Variants in SHC3 observed in about 807,000 individuals in gnomAD.
SHC3 encodes SHC-transforming protein 3.
In SHC3, 15 loss-of-function variants were observed where a neutral mutation model predicts 60.4. That is an observed-to-expected ratio of 0.25 (90% CI 0.17 to 0.38). The LOEUF (loss-of-function observed/expected upper bound fraction) is 0.38, where lower values mean the gene tolerates loss of function less well. SHC3 is among the 10% of genes least tolerant of loss of function. The pLI is 1.00. For missense variants in SHC3, 677 were observed against 786.1 expected, an observed-to-expected ratio of 0.86 and a Z score of 1.66; for synonymous variants, 294 against 325.9, an observed-to-expected ratio of 0.90 and a Z score of 1.05.
intron 1 of SHC3, among the ~76,000 whole-genome samples, chr9:89,137,399 G>C (rs940650048): frequency 6.6e-6 from 1 of 152,078 alleles, no homozygotes; most frequent in Non-Finnish European, 1.5e-5. Flanking sequence ...GGCACCTCCA[G>C]TTAACTGCAA....
At chr9:89,097,330 T>C (rs573440388) in intron 2 of SHC3, among the ~76,000 whole-genome samples, 4 of 152,298 alleles carry the variant, frequency 2.6e-5, no homozygotes, top group East Asian at 1.9e-4. Context: ...CTAATCTTTA[T>C]ATAACAAGTC....
At chr9:89,094,987 T>C (rs1427096718) in intron 2 of SHC3, among the ~76,000 whole-genome samples, 1 of 152,166 alleles carries the variant, frequency 6.6e-6, no homozygotes, top group Admixed American at 6.5e-5. Context: ...CAACAAGTGT[T>C]GGCAAGAATG....
intron 2 of SHC3, among the ~76,000 whole-genome samples, chr9:89,100,307 A>G (rs1486190687): frequency 6.6e-6 from 1 of 152,196 alleles, no homozygotes; most frequent in Non-Finnish European, 1.5e-5. Flanking sequence ...ATTAGTTTGA[A>G]AGAGAATTCC....
intron 3 of SHC3, among the ~76,000 whole-genome samples, chr9:89,077,447 T>G (rs1478953130): frequency 6.6e-6 from 1 of 152,228 alleles, no homozygotes; most frequent in Non-Finnish European, 1.5e-5. Flanking sequence ...TTCTTTTTCA[T>G]TCCCCTGCCC....
chr9:89,050,532 C>T lies in SHC3; in HGVS notation c.962+1505G>A, dbSNP rs551976313. Among the ~76,000 whole-genome samples, 14 of 152,284 alleles carry T rather than the reference C, an allele frequency of 9.2e-5. No homozygotes were observed. The East Asian group carries it at 2.1e-3, about 23-fold the overall frequency. On this transcript the variant is annotated intron_variant, in intron 7 of 11. Coordinates refer to ENST00000375835, the MANE Select transcript of SHC3 (RefSeq NM_016848.6). The stretch of plus-strand genomic sequence containing the variant: ...AACTCCTGACCTCAGGTGATCCACC[C>T]GCCTTGGCCTCCCAAAGTACTGAGA...
Position 89,013,306 on chromosome 9 carries a change from C to T in SHC3, c.*141G>A. On this transcript the variant is annotated 3_prime_UTR_variant, in exon 12 of 12. Transcript: ENST00000375835. ...TCAGAACCAAGTTTATGAAACTTGACCTTAAAGGAAGCCTTCCTTTTGAAG... is the reference window on the plus strand; with the variant it reads ...TCAGAACCAAGTTTATGAAACTTGATCTTAAAGGAAGCCTTCCTTTTGAAG... The T allele has an allele frequency of 9.3e-7, 1 of 1,069,650 alleles. No individual in the cohort carries two copies. Among genetic ancestry groups the T allele is most frequent in the Non-Finnish European group, 1.3e-6 (1 of 799,682 alleles). 66.3% of individuals were successfully genotyped at this position (1,069,650 alleles called of 1,614,324 possible). A position where few individuals can be genotyped will look rare whatever the true frequency, so the allele number is the denominator to read the frequency against.
At chr9:89,139,869 G>A (rs936645273) in intron 1 of SHC3, among the ~76,000 whole-genome samples, 2 of 152,098 alleles carry the variant, frequency 1.3e-5, no homozygotes, top group African/African-American at 4.8e-5. Context: ...TATGTCCCTA[G>A]GCCTTATTTA....
chr9:89,165,260 TTG>T lies in SHC3; in HGVS notation c.474+12725_474+12726del, dbSNP rs10626309. ...AAAGAAAGAAAAGAAAAAGACGTGT[TTG>T]TGTGTGTGTGTGTGTGTGTGTGTTT... is the stretch of plus-strand genomic sequence containing the variant. On this transcript the variant is annotated intron_variant, in intron 1 of 11. Coordinates refer to ENST00000375835, the MANE Select transcript of SHC3 (RefSeq NM_016848.6). Among the ~76,000 whole-genome samples the T allele has an allele frequency of 2.5e-3, 372 of 148,388 alleles. 1 individual carries two copies. The highest frequency in any genetic ancestry group is 6.6e-3 in the African/African-American group (269 of 40,566).
At chr9:89,108,116 G>A (rs11137516) in intron 2 of SHC3, among the ~76,000 whole-genome samples, 10,101 of 152,206 alleles carry the variant, frequency 0.066, 465 homozygotes, top group Middle Eastern at 0.12. Context: ...AGGAGCAATA[G>A]GCTATGCTAT....
At chr9:89,127,961 G>A (rs1826188931) in intron 1 of SHC3, among the ~76,000 whole-genome samples, 1 of 152,060 alleles carries the variant, frequency 6.6e-6, no homozygotes, top group South Asian at 2.1e-4. Context: ...TCCTCTGAGG[G>A]CTCCACCCTG....
intron 6 of SHC3, among the ~76,000 whole-genome samples, chr9:89,062,067 G>A (rs1825099218): frequency 2.0e-5 from 3 of 152,142 alleles, no homozygotes; most frequent in African/African-American, 4.8e-5. Flanking sequence ...TAAAGTATAC[G>A]AATTACATGC....
intron 1 of SHC3, among the ~76,000 whole-genome samples, chr9:89,116,313 C>A (rs998960939): frequency 2.0e-5 from 3 of 152,154 alleles, no homozygotes; most frequent in African/African-American, 7.2e-5. Flanking sequence ...GTTATGTGAA[C>A]ACCATGACAA....
At chr9:89,065,990 T>C (rs939136660) in intron 5 of SHC3, among the ~76,000 whole-genome samples, 1 of 152,152 alleles carries the variant, frequency 6.6e-6, no homozygotes, top group African/African-American at 2.4e-5. Context: ...GATAATCCCA[T>C]TTAATTGGTT....
At chr9:89,132,294 T>C (rs7023671) in intron 1 of SHC3, among the ~76,000 whole-genome samples, 4,495 of 152,262 alleles carry the variant, frequency 0.03, 205 homozygotes, top group African/African-American at 0.1. Context: ...TCCATGCTCA[T>C]GGATAGGGAG....
chr9:89,167,322 C>T (rs1826803761), intron 1 of SHC3, among the ~76,000 whole-genome samples: 1 of 152,358 alleles, frequency 6.6e-6, no homozygotes, highest in African/African-American at 2.4e-5. Flanking sequence ...CTAGATAGTG[C>T]AGCCATCACC....
chr9:89,069,265 C>T (rs540473553), intron 5 of SHC3, among the ~76,000 whole-genome samples: 32 of 152,246 alleles, frequency 2.1e-4, no homozygotes, highest in African/African-American at 4.8e-4. Context: ...GCTGTGATGG[C>T]GCCACTGCAT....
intron 3 of SHC3, among the ~76,000 whole-genome samples, chr9:89,076,523 G>C (rs913298274): frequency 1.3e-5 from 2 of 152,086 alleles, no homozygotes; most frequent in Admixed American, 1.3e-4. Flanking sequence ...GTATTCACTA[G>C]ACAACTTAAC....
intron 2 of SHC3, among the ~76,000 whole-genome samples, chr9:89,087,221 T>C (rs922099883): frequency 6.6e-6 from 1 of 152,182 alleles, no homozygotes; most frequent in Admixed American, 6.5e-5. Context: ...ATAGTAAACA[T>C]CGTCAATCAG....
At chr9:89,118,165 A>G (rs1456303643) in intron 1 of SHC3, among the ~76,000 whole-genome samples, 1 of 151,616 alleles carries the variant, frequency 6.6e-6, no homozygotes, top group East Asian at 1.9e-4. Flanking sequence ...TTTTTTTTAA[A>G]GTGTTGGTCA....
Sources: gnomAD v4.1 joint callset for allele counts (sites outside exome capture counted in the v4.1 genomes callset) on GRCh38, gnomAD v4.1.1 for gene constraint, MANE v1.5 for transcripts, NCBI Gene and HGNC (gene_info 2026-07-23, HGNC 2026-07-21) for gene names.